Variants in PPARG observed in about 807,000 individuals in gnomAD.
The protein encoded by PPARG is peroxisome proliferator activated receptor gamma.
Under a neutral mutation model 39.2 loss-of-function variants are expected in PPARG, and 17 were observed. That is an observed-to-expected ratio of 0.43 (90% CI 0.30 to 0.65). The LOEUF (loss-of-function observed/expected upper bound fraction) is 0.65. Ranked by LOEUF, PPARG falls within the 30% of genes least tolerant of loss-of-function variation. The pLI, the probability that PPARG is intolerant of heterozygous loss-of-function variation, is 0.13. For missense variants in PPARG, 406 were observed against 585.9 expected, an observed-to-expected ratio of 0.69 and a Z score of 3.17; for synonymous variants, 223 against 215.7, an observed-to-expected ratio of 1.03 and a Z score of -0.30.
upstream of PPARG, chr3:12,287,762 C>G (rs1402844586): frequency 6.7e-6 from 1 of 148,236 alleles, no homozygotes; most frequent in Non-Finnish European, 1.5e-5. Context: ...CGGCCGAGCC[C>G]GGGCCGCTCC....
At chr3:12,399,820 C>CAA (rs36025945) in intron 5 of PPARG, among the ~76,000 whole-genome samples, 48,139 of 102,948 alleles carry the variant, frequency 0.47, 12,050 homozygotes, top group East Asian at 0.86. Context: ...CCATGTCTAC[C>CAA]AAAAAAAAAA....
intron 1 of PPARG, among the ~76,000 whole-genome samples, chr3:12,297,399 T>C (rs879387298): frequency 6.6e-6 from 1 of 152,184 alleles, no homozygotes; most frequent in Admixed American, 6.5e-5. Context: ...TTGTTTGTTT[T>C]TATATTTTTC....
chr3:12,295,944 A>C (rs951857021), intron 1 of PPARG, among the ~76,000 whole-genome samples: 8 of 152,146 alleles, frequency 5.3e-5, no homozygotes, highest in African/African-American at 1.9e-4. Context: ...CTTAGTAGGC[A>C]CTTAAATGTT....
intron 2 of PPARG, among the ~76,000 whole-genome samples, chr3:12,374,981 T>G (rs1276205297): frequency 1.3e-5 from 2 of 152,232 alleles, no homozygotes; most frequent in African/African-American, 4.8e-5. Context: ...AAAAATTACA[T>G]GAACTTTTCC....
At chr3:12,422,138 G>A (rs563397313) in intron 7 of PPARG, among the ~76,000 whole-genome samples, 1 of 152,284 alleles carries the variant, frequency 6.6e-6, no homozygotes, top group African/African-American at 2.4e-5. Flanking sequence ...AAAGCCTAGT[G>A]CTAGCCCAGA....
chr3:12,322,024 G>A (rs192844799), intron 2 of PPARG, among the ~76,000 whole-genome samples: 12 of 152,268 alleles, frequency 7.9e-5, no homozygotes, highest in African/African-American at 2.4e-4. Context: ...ATCAACATGC[G>A]ATGCAAAGCA....
At chr3:12,382,246 A>G (rs1386469707) in intron 4 of PPARG, among the ~76,000 whole-genome samples, 1 of 152,150 alleles carries the variant, frequency 6.6e-6, no homozygotes, top group Non-Finnish European at 1.5e-5. Flanking sequence ...GGGAAAGGAG[A>G]TACTATTTAT....
chr3:12,338,468 T>C (rs556150681), intron 2 of PPARG, among the ~76,000 whole-genome samples: 36 of 152,352 alleles, frequency 2.4e-4, no homozygotes, highest in African/African-American at 7.9e-4. Flanking sequence ...AAATTTCTTA[T>C]GATTCTCAGT....
chr3:12,412,924 C>T (rs1272582601), intron 6 of PPARG, among the ~76,000 whole-genome samples: 3 of 152,124 alleles, frequency 2.0e-5, no homozygotes, highest in African/African-American at 7.2e-5. Context: ...ACACTGTTAG[C>T]CCCCAACTAG....
At chr3:12,294,446 A>G (rs897589420) in intron 1 of PPARG, among the ~76,000 whole-genome samples, 3 of 152,212 alleles carry the variant, frequency 2.0e-5, no homozygotes, top group African/African-American at 7.2e-5. Flanking sequence ...TGTTAGACAA[A>G]TTATGTGGTC....
chr3:12,375,416 C>T (rs1041038639), intron 2 of PPARG, among the ~76,000 whole-genome samples: 1 of 152,174 alleles, frequency 6.6e-6, no homozygotes, highest in Non-Finnish European at 1.5e-5. Flanking sequence ...TTTCATTTCC[C>T]AGTATTCATA....
At chr3:12,380,043 T>C (rs951881725) in intron 3 of PPARG, 112 bp downstream of exon 3, 8 of 946,380 alleles carry the variant, frequency 8.5e-6, no homozygotes, top group Admixed American at 3.9e-5. Context: ...AGAGAAGGCA[T>C]TCACCATTCA....
At chr3:12,293,635 T>C (rs1397792582) in intron 1 of PPARG, among the ~76,000 whole-genome samples, 1 of 152,230 alleles carries the variant, frequency 6.6e-6, no homozygotes, top group Non-Finnish European at 1.5e-5. Context: ...GGTTGATTTC[T>C]AAGAATTTAC....
At chr3:12,405,302 A>G (rs1219070668) in intron 5 of PPARG, among the ~76,000 whole-genome samples, 1 of 152,142 alleles carries the variant, frequency 6.6e-6, no homozygotes, top group East Asian at 1.9e-4. Flanking sequence ...GAGTCGGGAG[A>G]TAACTATGGC....
intron 2 of PPARG, among the ~76,000 whole-genome samples, chr3:12,312,836 T>C (rs1438733799): frequency 6.6e-6 from 1 of 152,214 alleles, no homozygotes; most frequent in African/African-American, 2.4e-5. Context: ...CTATTGGCCA[T>C]GCAGTCATAA....
chr3:12,365,791 C>G (rs1226756435), intron 2 of PPARG, among the ~76,000 whole-genome samples: 2 of 152,094 alleles, frequency 1.3e-5, no homozygotes, highest in Admixed American at 6.6e-5. Context: ...ACCGTACTAT[C>G]TTAATTACTT....
intron 1 of PPARG, among the ~76,000 whole-genome samples, chr3:12,302,007 G>A (rs748377442): frequency 5.3e-5 from 8 of 152,146 alleles, no homozygotes; most frequent in African/African-American, 1.9e-4. Context: ...TATCATCTGC[G>A]TGAGCCAAGA....
At chr3:12,397,651 C>T (rs1375871663) in intron 5 of PPARG, among the ~76,000 whole-genome samples, 2 of 151,966 alleles carry the variant, frequency 1.3e-5, no homozygotes, top group Non-Finnish European at 2.9e-5. Flanking sequence ...ACCTCATGAT[C>T]TGCCCACCTC....
At chr3:12,324,779 A>G (rs2047645415) in intron 2 of PPARG, among the ~76,000 whole-genome samples, 1 of 152,150 alleles carries the variant, frequency 6.6e-6, no homozygotes, top group Non-Finnish European at 1.5e-5. Context: ...TTAAGTCCAC[A>G]AGTCAGAATT....
Sources: gnomAD v4.1 joint callset for allele counts (sites outside exome capture counted in the v4.1 genomes callset) on GRCh38, gnomAD v4.1.1 for gene constraint, MANE v1.5 for transcripts, NCBI Gene and HGNC (gene_info 2026-07-23, HGNC 2026-07-21) for gene names.